The following NUP35 variants were observed in gnomAD, a reference collection of about 807,000 sequenced individuals.
NUP35 encodes nucleoporin 35, also known as nucleoporin NUP35.
NUP35 carries 25 observed loss-of-function variants against 41.5 expected under a neutral mutation model. That is an observed-to-expected ratio of 0.60 (90% CI 0.44 to 0.84). The LOEUF is 0.84. Among genes scored for constraint, NUP35 ranks in the 40% least tolerant of loss-of-function variants. The pLI is 0.00. For missense variants in NUP35, 396 were observed against 396.6 expected, an observed-to-expected ratio of 1.00 and a Z score of 0.01; for synonymous variants, 149 against 130.7, an observed-to-expected ratio of 1.14 and a Z score of -0.96.
chr2:183,151,623 C>G lies in NUP35; in HGVS notation c.513C>G (p.Leu171=), dbSNP rs757294208. 6.2e-7 allele frequency: 1 copy of G among 1,613,908 alleles called. No homozygotes were observed. Among genetic ancestry groups the G allele is most frequent in the Non-Finnish European group, 8.5e-7 (1 of 1,179,850 alleles). The change falls in exon 5 of 9, where the codon CTC becomes CTG. Residue 171 remains leucine (L), a synonymous_variant. Transcript: ENST00000295119. ...QGDSLTSEDH[L]DDSWVTVFGF... is the part of the protein sequence containing the mutation. Reference sequence around the variant, plus strand: ...ATTCTTTGACTTCAGAAGATCACCTCGATGACTCTTGGGTGACTGTATTTG... The same window carrying G: ...ATTCTTTGACTTCAGAAGATCACCTGGATGACTCTTGGGTGACTGTATTTG...
chr2:183,147,968 G>T (rs1452342775), intron 4 of NUP35, among the ~76,000 whole-genome samples: 2 of 149,334 alleles, frequency 1.3e-5, no homozygotes, highest in African/African-American at 4.9e-5. Flanking sequence ...TTTTTGATTT[G>T]GTTCTCAGCT....
rs1684570434 is a variant in NUP35, at chr2:183,128,322, C to T, written c.76C>T (p.Pro26Ser). ...AATGATGCTGGGTTCACCCACATCT[C>T]CAAAGCCAGGAGTTAATGCCCAGTT... is the stretch of plus-strand genomic sequence containing the variant. The part of the protein sequence containing the change: ...EPMMLGSPTS[P>S]KPGVNAQFLP... The change falls in exon 2 of 9, where the codon CCA becomes TCA. Residue 26 changes from proline to serine, a missense_variant. Pro to Ser is a moderately conservative substitution (Grantham distance 74, BLOSUM62 -1). Coordinates refer to ENST00000295119, the MANE Select transcript of NUP35 (RefSeq NM_138285.5). 6.2e-7 allele frequency: 1 copy of T among 1,613,188 alleles called. No homozygotes were observed. The highest frequency in any genetic ancestry group is 8.5e-7 in the Non-Finnish European group (1 of 1,179,504).
At chr2:183,146,252 C>A (rs576931653) in intron 4 of NUP35, among the ~76,000 whole-genome samples, 195 of 152,066 alleles carry the variant, frequency 1.3e-3, no homozygotes, top group African/African-American at 4.4e-3. Flanking sequence ...AAAAGTATTT[C>A]AAAAATCTTA....
Position 183,128,371 on chromosome 2 carries a change from A to T in NUP35, c.125A>T (p.Asp42Val). 2 of 1,614,016 alleles carry T rather than the reference A, an allele frequency of 1.2e-6. No homozygotes were observed. The highest frequency in any genetic ancestry group is 1.7e-4 in the Middle Eastern group (1 of 6,060). The stretch of plus-strand genomic sequence containing the variant: ...TTCTTACCTGGATTTTTAATGGGGG[A>T]TTTGCCAGCTCCGGTGACTCCACAA... ...AQFLPGFLMG[D>V]LPAPVTPQPR... The change falls in exon 2 of 9, where the codon GAT (aspartate) becomes GTT (valine). Residue 42 changes from aspartate to valine, a missense_variant. Coordinates refer to ENST00000295119, the MANE Select transcript of NUP35 (RefSeq NM_138285.5).
intron 4 of NUP35, among the ~76,000 whole-genome samples, chr2:183,138,269 ATTTTTTT>A (rs147315571): frequency 1.6e-3 from 127 of 80,692 alleles, no homozygotes; most frequent in Admixed American, 2.6e-3. Flanking sequence ...ATATATATAT[ATTTTTTT>A]TTTTTTTTAG....
At position 183,161,370 on chromosome 2, in the gene NUP35, CAG is replaced by C. The variant is rs748934668; in HGVS notation, c.*240_*241del. 53 of 326,360 alleles carry C rather than the reference CAG, an allele frequency of 1.6e-4. No homozygotes were observed. Among genetic ancestry groups the C allele is most frequent in the Non-Finnish European group, 2.3e-4 (40 of 174,618 alleles). The allele number at this position is 326,360 out of a possible 1,614,324, so 20.2% of individuals were successfully genotyped here. ...AAATAGGATTTTGTGCTTTCTGTAA[CAG>C]TGCATGCTTCAGCACAGAAAACTCA... On this transcript the variant is annotated 3_prime_UTR_variant, in exon 9 of 9. Coordinates refer to ENST00000295119, the MANE Select transcript of NUP35 (RefSeq NM_138285.5).
chr2:183,130,197 T>C (rs2675109), intron 2 of NUP35, among the ~76,000 whole-genome samples: 126,571 of 152,138 alleles, frequency 0.83, 53,187 homozygotes, highest in African/African-American at 0.93. Context: ...GCATTGGCAT[T>C]ACCTGGGAGC....
At chr2:183,124,962 T>G (rs545249265) in intron 1 of NUP35, among the ~76,000 whole-genome samples, 1 of 152,180 alleles carries the variant, frequency 6.6e-6, no homozygotes, top group South Asian at 2.1e-4. Flanking sequence ...TGCTTCCAGT[T>G]CCTGTTTTGA....
intron 1 of NUP35, among the ~76,000 whole-genome samples, chr2:183,127,620 C>G (rs1362424242): frequency 6.6e-6 from 1 of 152,106 alleles, no homozygotes. Flanking sequence ...CAAGCTTAAC[C>G]CATTGTGTTT....
chr2:183,125,075 C>T (rs967422379), intron 1 of NUP35, among the ~76,000 whole-genome samples: 2 of 151,906 alleles, frequency 1.3e-5, no homozygotes, highest in Admixed American at 1.3e-4. Flanking sequence ...GAGATATTGA[C>T]CTTAACAGCA....
upstream of NUP35, chr2:183,124,333 G>A (rs1308137052): frequency 1.9e-6 from 3 of 1,573,708 alleles, no homozygotes; most frequent in Admixed American, 3.5e-5. Context: ...TACAACTTAA[G>A]CATAGCGCAG....
chr2:183,128,462 G>T lies in NUP35; in HGVS notation c.211+5G>T. On this transcript the variant is annotated splice_donor_5th_base_variant and intron_variant, in intron 2 of 8. Coordinates refer to ENST00000295119, the MANE Select transcript of NUP35 (RefSeq NM_138285.5). ...TGAGATCACCTTTACTTGCAGGTAG[G>T]TGAATTGCTTAAAATAATTTTATAG... 6.2e-7 allele frequency: 1 copy of T among 1,608,558 alleles called. No individual in the cohort carries two copies. The highest frequency in any genetic ancestry group is 8.5e-7 in the Non-Finnish European group (1 of 1,176,710).
intron 2 of NUP35, among the ~76,000 whole-genome samples, chr2:183,129,377 C>G (rs1684617835): frequency 6.6e-6 from 1 of 152,162 alleles, no homozygotes; most frequent in Non-Finnish European, 1.5e-5. Flanking sequence ...GTGTTGAATT[C>G]TAATTGTGAG....
intron 8 of NUP35, 58 bp downstream of exon 8, chr2:183,159,710 T>C: frequency 7.3e-7 from 1 of 1,361,054 alleles, no homozygotes; most frequent in Non-Finnish European, 1.0e-6. Context: ...CATAGCATGC[T>C]TAACTTTTTC....
chr2:183,142,344 G>A (rs1445873165), intron 4 of NUP35, among the ~76,000 whole-genome samples: 1 of 151,632 alleles, frequency 6.6e-6, no homozygotes, highest in African/African-American at 2.4e-5. Context: ...GGAATTGCTT[G>A]TTTGTGTGTT....
intron 3 of NUP35, chr2:183,130,861 G>T (rs887265318): frequency 5.5e-6 from 4 of 733,674 alleles, no homozygotes; most frequent in Non-Finnish European, 7.3e-6. Context: ...CATTCTGATT[G>T]TTTAAGAAGT....
upstream of NUP35, among the ~76,000 whole-genome samples, chr2:183,122,337 A>C (rs1700080953): frequency 6.6e-6 from 1 of 152,110 alleles, no homozygotes; most frequent in Non-Finnish European, 1.5e-5. Context: ...TGGCCTCCCA[A>C]AGTGCTGGGA....
intron 2 of NUP35, among the ~76,000 whole-genome samples, chr2:183,129,179 G>A (rs904856043): frequency 1.3e-5 from 2 of 152,078 alleles, no homozygotes; most frequent in African/African-American, 4.8e-5. Context: ...TAGTCTTAGT[G>A]AATTGAGATT....
upstream of NUP35, chr2:183,123,797 G>C: frequency 1.0e-6 from 1 of 985,374 alleles, no homozygotes; most frequent in South Asian, 4.7e-5. Flanking sequence ...GCAGAAGCAC[G>C]CAAGATTCCG....
Sources: gnomAD v4.1 joint callset for allele counts (sites outside exome capture counted in the v4.1 genomes callset) on GRCh38, gnomAD v4.1.1 for gene constraint, MANE v1.5 for transcripts, NCBI Gene and HGNC (gene_info 2026-07-23, HGNC 2026-07-21) for gene names.